Variants in ADAMTS19 observed in about 807,000 individuals in gnomAD.
ADAMTS19 encodes the protein ADAM metallopeptidase with thrombospondin type 1 motif 19, also known as A disintegrin and metalloproteinase with thrombospondin motifs 19.
In ADAMTS19, 93 loss-of-function variants were observed where a neutral mutation model predicts 153.3. The observed-to-expected ratio is 0.61, with a 90% CI of 0.51 to 0.72. The LOEUF (loss-of-function observed/expected upper bound fraction) is 0.72. Ranked by LOEUF, ADAMTS19 falls within the 30% of genes least tolerant of loss-of-function variation. The pLI is 0.00. For synonymous variants in ADAMTS19, 600 were observed against 556.6 expected (o/e 1.08, Z -1.10); for missense variants, 1,482 against 1,552.1 (o/e 0.95, Z 0.76).
chr5:129,735,883 T>C (rs1757643747), intron 22 of ADAMTS19, among the ~76,000 whole-genome samples: 1 of 152,042 alleles, frequency 6.6e-6, no homozygotes, highest in African/African-American at 2.4e-5. Context: ...TTATATTTAA[T>C]ACCTTTGGTT....
At position 129,647,857 on chromosome 5, in the gene ADAMTS19, C is replaced by T; in HGVS notation, c.1965C>T (p.Cys655=). ...WSLWSPCSRT[C]SAGISSRERK... ...TGTGGAGTCCTTGTAGCCGAACCTG[C>T]AGTGCTGGGATCAGCAGTCGAGAGC... Residue 655 remains cysteine (C), a synonymous_variant, in exon 12 of 23, where the codon TGC becomes TGT. Transcript: ENST00000274487. The T allele has an allele frequency of 6.2e-7, 1 of 1,614,022 alleles. No individual in the cohort carries two copies. Among genetic ancestry groups the T allele is most frequent in the Non-Finnish European group, 8.5e-7 (1 of 1,179,952 alleles).
chr5:129,585,236 A>C (rs1273927992), intron 7 of ADAMTS19, among the ~76,000 whole-genome samples: 1 of 151,410 alleles, frequency 6.6e-6, no homozygotes, highest in Admixed American at 6.6e-5. Context: ...CCCACTGTCT[A>C]ACCAGTCCCA....
intron 4 of ADAMTS19, among the ~76,000 whole-genome samples, chr5:129,526,736 T>A (rs938898943): frequency 6.6e-6 from 1 of 151,762 alleles, no homozygotes; most frequent in African/African-American, 2.4e-5. Flanking sequence ...TTTCCTTTTT[T>A]AAAAAAATGT....
In ADAMTS19 at chr5:129,478,184, T is replaced by C. The variant is rs562802226; in HGVS notation, c.747+16427T>C. Among the ~76,000 whole-genome samples, 4 of 152,334 alleles carry C rather than the reference T, an allele frequency of 2.6e-5. No homozygotes were observed. In the South Asian group the frequency reaches 6.2e-4, roughly 24 times the overall value. ...TTGAACAAATGCTTGTGTGTAAATC[T>C]AGTTTTTAGAAATGAAATTATATTT... On this transcript the variant is annotated intron_variant, in intron 2 of 22. Coordinates refer to ENST00000274487, the MANE Select transcript of ADAMTS19 (RefSeq NM_133638.6).
intron 2 of ADAMTS19, among the ~76,000 whole-genome samples, chr5:129,483,022 T>G (rs1750468173): frequency 6.6e-6 from 1 of 152,210 alleles, no homozygotes; most frequent in South Asian, 2.1e-4. Flanking sequence ...ACTTTTTTAC[T>G]TGTTTATTGA....
chr5:129,596,491 G>T (rs1750382814), intron 7 of ADAMTS19, 68 bp from the exon 8 acceptor site: 9 of 1,059,010 alleles, frequency 8.5e-6, no homozygotes, highest in Non-Finnish European at 1.2e-5. Context: ...CATTCCTGCT[G>T]CTAATAACTA....
intron 3 of ADAMTS19, among the ~76,000 whole-genome samples, chr5:129,523,818 CA>C (rs1049666743): frequency 5.0e-4 from 76 of 151,668 alleles, no homozygotes; most frequent in African/African-American, 1.7e-3. Flanking sequence ...AGAGAGGACA[CA>C]AACAAATGAG....
At chr5:129,543,336 G>C (rs1752730416) in intron 6 of ADAMTS19, among the ~76,000 whole-genome samples, 1 of 152,030 alleles carries the variant, frequency 6.6e-6, no homozygotes, top group Non-Finnish European at 1.5e-5. Flanking sequence ...ACAGGCGTGA[G>C]CCACTGCACC....
At chr5:129,661,589 G>C (rs978034203) in intron 15 of ADAMTS19, among the ~76,000 whole-genome samples, 1 of 152,248 alleles carries the variant, frequency 6.6e-6, no homozygotes, top group East Asian at 1.9e-4. Context: ...GCTCTATTTA[G>C]AGTTTACTAA....
At chr5:129,662,129 C>T (rs1175100710) in intron 15 of ADAMTS19, among the ~76,000 whole-genome samples, 1 of 152,142 alleles carries the variant, frequency 6.6e-6, no homozygotes, top group South Asian at 2.1e-4. Context: ...TGTAAAGTAA[C>T]TATAATAATG....
chr5:129,494,799 A>T (rs886752020), intron 2 of ADAMTS19, among the ~76,000 whole-genome samples: 1 of 152,108 alleles, frequency 6.6e-6, no homozygotes, highest in Non-Finnish European at 1.5e-5. Context: ...CTTTCTTTCA[A>T]ATTACACATC....
intron 8 of ADAMTS19, among the ~76,000 whole-genome samples, chr5:129,610,536 G>A (rs909167204): frequency 7.9e-5 from 12 of 152,110 alleles, no homozygotes; most frequent in Admixed American, 6.6e-4. Context: ...GAGAACATAT[G>A]GTGTTTGGTT....
At chr5:129,687,811 G>A (rs961036043) in intron 18 of ADAMTS19, among the ~76,000 whole-genome samples, 2 of 152,136 alleles carry the variant, frequency 1.3e-5, no homozygotes, top group African/African-American at 4.8e-5. Context: ...ATGTCTTCTA[G>A]AGATTATTTA....
intron 3 of ADAMTS19, among the ~76,000 whole-genome samples, chr5:129,511,861 C>G (rs551077514): frequency 5.2e-4 from 79 of 152,020 alleles, no homozygotes; most frequent in South Asian, 2.5e-3. Flanking sequence ...AGACTGTCCT[C>G]AGAATTAAGT....
chr5:129,558,275 G>T (rs751729098), intron 7 of ADAMTS19, among the ~76,000 whole-genome samples: 7 of 151,824 alleles, frequency 4.6e-5, no homozygotes, highest in Non-Finnish European at 1.0e-4. Flanking sequence ...TCTACATAAA[G>T]AAAAAACAGA....
chr5:129,570,469 G>A (rs570073436), intron 7 of ADAMTS19, among the ~76,000 whole-genome samples: 1 of 151,750 alleles, frequency 6.6e-6, no homozygotes, highest in East Asian at 1.9e-4. Context: ...GCACTAGGAT[G>A]TTTCATTAGT....
intron 6 of ADAMTS19, among the ~76,000 whole-genome samples, chr5:129,533,943 G>C (rs1024801837): frequency 3.9e-5 from 6 of 152,082 alleles, no homozygotes; most frequent in Admixed American, 3.9e-4. Context: ...TAGTTTGATT[G>C]CACTGTGGTC....
chr5:129,559,550 G>C (rs1217462565), intron 7 of ADAMTS19, among the ~76,000 whole-genome samples: 1 of 152,116 alleles, frequency 6.6e-6, no homozygotes, highest in African/African-American at 2.4e-5. Flanking sequence ...TGTGCTTCAG[G>C]AGTGAATTTA....
At chr5:129,552,784 A>G (rs1485044879) in intron 7 of ADAMTS19, among the ~76,000 whole-genome samples, 1 of 151,978 alleles carries the variant, frequency 6.6e-6, no homozygotes, top group Non-Finnish European at 1.5e-5. Flanking sequence ...AGTTCCATTA[A>G]CCTAATTTTT....
Sources: allele counts gnomAD v4.1 joint callset (sites outside exome capture counted in the v4.1 genomes callset), GRCh38; gene constraint gnomAD v4.1.1; transcripts MANE v1.5; gene names NCBI Gene and HGNC (gene_info 2026-07-23, HGNC 2026-07-21).